Variants in ARMC9 observed in about 807,000 individuals in gnomAD.
The protein encoded by ARMC9 is armadillo repeat containing 9.
A neutral mutation model predicts 107.0 loss-of-function variants in ARMC9; 94 were observed. The ratio of observed to expected loss-of-function variants is 0.88; its 90% CI spans 0.74 to 1.04. The LOEUF (loss-of-function observed/expected upper bound fraction) is 1.04, where lower values mean the gene tolerates loss of function less well. ARMC9 is among the 50% of genes least tolerant of loss of function. The pLI is 0.00. For missense variants in ARMC9, 942 were observed against 1,030.1 expected, an observed-to-expected ratio of 0.91 and a Z score of 1.17; for synonymous variants, 380 against 396.9, an observed-to-expected ratio of 0.96 and a Z score of 0.51.
chr2:231,301,386 A>G (rs1429685400), intron 19 of ARMC9, among the ~76,000 whole-genome samples: 1 of 152,152 alleles, frequency 6.6e-6, no homozygotes, highest in African/African-American at 2.4e-5. Flanking sequence ...TTTTTTAATA[A>G]TAGATTTTTC....
At chr2:231,281,936 G>T in intron 16 of ARMC9, 123 bp from the exon 17 acceptor site, 1 of 851,842 alleles carries the variant, frequency 1.2e-6, no homozygotes, top group Non-Finnish European at 1.9e-6. Context: ...GCACAGGAGA[G>T]CTGCGAGGAC....
chr2:231,346,539 A>G (rs1244619155), intron 21 of ARMC9, among the ~76,000 whole-genome samples: 1 of 152,140 alleles, frequency 6.6e-6, no homozygotes, highest in Non-Finnish European at 1.5e-5. Flanking sequence ...TAAAAAAAGA[A>G]TATTACACTC....
intron 3 of ARMC9, among the ~76,000 whole-genome samples, chr2:231,210,168 C>T (rs2032620625): frequency 6.6e-6 from 1 of 152,182 alleles, no homozygotes; most frequent in Admixed American, 6.5e-5. Context: ...TGAAGTGGCC[C>T]GTGGAGCTCA....
chr2:231,262,215 C>T (rs1048024750), intron 11 of ARMC9, 91 bp from the exon 12 acceptor site: 2 of 1,161,298 alleles, frequency 1.7e-6, no homozygotes, highest in Non-Finnish European at 1.3e-6. Context: ...TGTGTAGGTA[C>T]TGATACTGCC....
At chr2:231,282,240 T>G in intron 17 of ARMC9, 107 bp downstream of exon 17, 1 of 1,110,282 alleles carries the variant, frequency 9.0e-7, no homozygotes, top group Non-Finnish European at 1.3e-6. Flanking sequence ...CTCAGATCCG[T>G]TCCAAACTCC....
intron 3 of ARMC9, among the ~76,000 whole-genome samples, chr2:231,212,334 T>C (rs1416688072): frequency 6.6e-6 from 1 of 152,212 alleles, no homozygotes; most frequent in African/African-American, 2.4e-5. Flanking sequence ...CATTTCCAGG[T>C]ACAGAATGTG....
chr2:231,285,271 C>T lies in ARMC9; in HGVS notation c.1626+3138C>T, dbSNP rs188591873. Among the ~76,000 whole-genome samples the T allele has an allele frequency of 2.1e-3, 316 of 152,148 alleles. 3 individuals carry two copies. Among genetic ancestry groups the T allele is most frequent in the Admixed American group, 0.018 (278 of 15,272 alleles). On this transcript the variant is annotated intron_variant, in intron 17 of 24. Coordinates refer to ENST00000611582, the MANE Select transcript of ARMC9 (RefSeq NM_001352754.2). The stretch of plus-strand genomic sequence containing the variant: ...TGATAGCCAGATCTGTTAATATTTT[C>T]CTTAATGGCTTCTACATAGGTTTCT...
chr2:231,296,144 G>A (rs2041347248), intron 18 of ARMC9, 54 bp from the exon 19 acceptor site: 2 of 1,420,876 alleles, frequency 1.4e-6, no homozygotes, highest in Admixed American at 1.8e-5. Flanking sequence ...AGATTCTGTG[G>A]ACCAAGGCTC....
At chr2:231,260,798 C>G (rs2038264868) in intron 11 of ARMC9, among the ~76,000 whole-genome samples, 1 of 152,218 alleles carries the variant, frequency 6.6e-6, no homozygotes, top group African/African-American at 2.4e-5. Flanking sequence ...ACTCCTGAGC[C>G]TCTTGCTGAG....
rs1403499849 is a variant in ARMC9 at position 231,358,024 on chromosome 2, G to A, written c.2131+2090G>A. 6.6e-6 allele frequency among the ~76,000 whole-genome samples: 1 copy of A among 152,082 alleles called. No homozygotes were observed. Among genetic ancestry groups the A allele is most frequent in the Non-Finnish European group, 1.5e-5 (1 of 68,018 alleles). Reference sequence around the variant, plus strand: ...CCTTCTTTCAGACAGGCCTGCCCACGGCCTGTTGCGTCTCCCCAGTTGGCC... The same window carrying A: ...CCTTCTTTCAGACAGGCCTGCCCACAGCCTGTTGCGTCTCCCCAGTTGGCC... On this transcript the variant is annotated intron_variant, in intron 22 of 24. Transcript: ENST00000611582. The surrounding 1 kb of genome is among the most constrained non-coding windows in gnomAD (Gnocchi z 4.5).
chr2:231,277,206 G>T (rs563276930), intron 15 of ARMC9, among the ~76,000 whole-genome samples: 1 of 152,270 alleles, frequency 6.6e-6, no homozygotes, highest in Admixed American at 6.5e-5. Context: ...GGAGGTGGAG[G>T]TTCTCCTGTG....
intron 15 of ARMC9, among the ~76,000 whole-genome samples, chr2:231,277,748 G>A (rs1278001614): frequency 2.6e-5 from 4 of 151,740 alleles, no homozygotes; most frequent in Admixed American, 2.6e-4. Flanking sequence ...TTTTTAGTAG[G>A]GAGGGGGTTT....
At chr2:231,276,962 G>T (rs1014892884) in intron 15 of ARMC9, among the ~76,000 whole-genome samples, 187 bp downstream of exon 15, 7 of 152,144 alleles carry the variant, frequency 4.6e-5, no homozygotes, top group Admixed American at 3.9e-4. Context: ...ATCCATTCTT[G>T]CCCTGGAAAA....
intron 19 of ARMC9, among the ~76,000 whole-genome samples, chr2:231,322,096 C>T (rs930076998): frequency 2.6e-5 from 4 of 152,210 alleles, no homozygotes; most frequent in Non-Finnish European, 5.9e-5. Flanking sequence ...GTTGTGAAAC[C>T]AACTGTCATA....
rs536030414 is a variant in ARMC9, at chr2:231,358,578, G to A, written c.2132-2176G>A. On this transcript the variant is annotated intron_variant, in intron 22 of 24. Transcript: ENST00000611582. This position sits in a 1 kb window ranked among gnomAD's most constrained non-coding sequence, Gnocchi z 4.5. ...CCACAGGTCTCCTTGCACACAGCTC[G>A]CTGCTGAGTCTGGCCTGTGCTGGGA... Among the ~76,000 whole-genome samples the A allele has an allele frequency of 9.9e-5, 15 of 152,284 alleles. No individual in the cohort carries two copies. Among genetic ancestry groups the A allele is most frequent in the African/African-American group, 3.1e-4 (13 of 41,556 alleles).
At chr2:231,256,458 CCA>C in intron 9 of ARMC9, 126 bp from the exon 10 acceptor site, 2 of 1,210,628 alleles carry the variant, frequency 1.7e-6, no homozygotes, top group Middle Eastern at 1.9e-4. Context: ...AAAAAAAAAA[CCA>C]AAAAAAAAAA....
chr2:231,356,427 C>T (rs989276454), intron 22 of ARMC9, among the ~76,000 whole-genome samples: 1 of 151,874 alleles, frequency 6.6e-6, no homozygotes, highest in African/African-American at 2.4e-5. Flanking sequence ...TTTTAGATGC[C>T]AGAAAAAATA....
Position 231,369,989 on chromosome 2 carries a change from C to G in ARMC9, c.2298C>G (p.Ala766=). The change falls in exon 24 of 25, where the codon GCC becomes GCG. Residue 766 remains alanine (A), a synonymous_variant. Coordinates refer to ENST00000611582, the MANE Select transcript of ARMC9 (RefSeq NM_001352754.2). ...CASAFTCKPR[A]PCTPEMLDWN... ...CAGCCTTCACCTGCAAGCCCCGGGC[C>G]CCCTGCACTCCAGAGATGCTGGACT... is the stretch of plus-strand genomic sequence containing the variant. The G allele has an allele frequency of 6.5e-7, 1 of 1,531,870 alleles. No individual in the cohort carries two copies. Among genetic ancestry groups the G allele is most frequent in the Non-Finnish European group, 8.7e-7 (1 of 1,144,256 alleles). 94.9% of individuals were successfully genotyped at this position (1,531,870 alleles called of 1,614,324 possible).
At position 231,369,957 on chromosome 2, in the gene ARMC9, T is replaced by G. The variant is rs1383783986; in HGVS notation, c.2266T>G (p.Cys756Gly). Residue 756 changes from cysteine (C) to glycine (G), a missense_variant, in exon 24 of 25, where the codon TGT becomes GGT. Transcript: ENST00000611582. ...AGGTTGCACGTTTTGTTCTAGGGAA[T>G]GTGCATCAGCCTTCACCTGCAAGCC... ...DPGNGVTTRE[C>G]ASAFTCKPRA... 6.6e-7 allele frequency: 1 copy of G among 1,508,156 alleles called. No individual in the cohort carries two copies. The highest frequency in any genetic ancestry group is 2.1e-5 in the Admixed American group (1 of 48,018). 93.4% of individuals were successfully genotyped at this position (1,508,156 alleles called of 1,614,324 possible). A position where few individuals can be genotyped will look rare whatever the true frequency, so the allele number is the denominator to read the frequency against.
Sources: allele counts gnomAD v4.1 joint callset (sites outside exome capture counted in the v4.1 genomes callset), GRCh38; gene constraint gnomAD v4.1.1; non-coding constraint Gnocchi (gnomAD v3.1); transcripts MANE v1.5; gene names NCBI Gene and HGNC (gene_info 2026-07-23, HGNC 2026-07-21).